The following RAPGEF3 variants were observed in gnomAD, a reference collection of about 807,000 sequenced individuals.
The protein encoded by RAPGEF3 is 9330170P05Rik.
A neutral mutation model predicts 129.8 loss-of-function variants in RAPGEF3; 103 were observed. The observed-to-expected ratio is 0.79, with a 90% CI of 0.68 to 0.93. The LOEUF (loss-of-function observed/expected upper bound fraction) is 0.93, where lower values mean the gene tolerates loss of function less well. RAPGEF3 is among the 40% of genes least tolerant of loss of function. The pLI, the probability that RAPGEF3 is intolerant of heterozygous loss-of-function variation, is 0.00. For missense variants in RAPGEF3, 1,117 were observed against 1,207.4 expected, an observed-to-expected ratio of 0.93 and a Z score of 1.11; for synonymous variants, 436 against 482.6, an observed-to-expected ratio of 0.90 and a Z score of 1.26.
rs538130703 is a variant in RAPGEF3, at chr12:47,747,443, C to A, written c.1556+101G>T. The A allele has an allele frequency of 3.2e-5, 39 of 1,212,810 alleles. No homozygotes were observed. In the African/African-American group the frequency reaches 5.5e-4, roughly 17 times the overall value. The allele number at this position is 1,212,810 out of a possible 1,614,324, so 75.1% of individuals were successfully genotyped here. ...CAAGGAATTGAAGTAAGTGGTGCAG[C>A]CTGGATCTGAAGCCAAGTGCTTGAC... On this transcript the variant is annotated intron_variant, in intron 15 of 27. Transcript: ENST00000449771.
Position 47,757,919 on chromosome 12 carries a change from A to C in RAPGEF3, c.166T>G (p.Tyr56Asp). The change falls in exon 2 of 28, where the codon TAC (tyrosine) becomes GAC (aspartate). Residue 56 changes from tyrosine (Y) to aspartate (D), a missense_variant. Tyr to Asp is a radical substitution (Grantham distance 160). Around this residue, in one of 3 missense-constraint regions of RAPGEF3, gnomAD observed 367 missense variants for 373.4 expected, o/e 0.98. Coordinates refer to ENST00000449771, the MANE Select transcript of RAPGEF3 (RefSeq NM_001098531.4). ...RRMHRPRSCS[Y>D]QLLLEHQRPS... ...CGCTGGTGCTCCAGCAGCAGCTGGT[A>C]GGAGCAGCTTCGGGGCCGGTGCATC... 6.4e-7 allele frequency: 1 copy of C among 1,557,246 alleles called. No homozygotes were observed. Among genetic ancestry groups the C allele is most frequent in the Non-Finnish European group, 8.7e-7 (1 of 1,150,306 alleles).
intron 23 of RAPGEF3, chr12:47,739,506 T>G: frequency 1.6e-6 from 1 of 640,938 alleles, no homozygotes; most frequent in Non-Finnish European, 2.9e-6. Flanking sequence ...TTTCTATCCC[T>G]GTCTCTTTCT....
In RAPGEF3 at chr12:47,737,701, A is replaced by G; in HGVS notation, c.2654-16T>C. On this transcript the variant is annotated splice_polypyrimidine_tract_variant and intron_variant, in intron 27 of 27. Transcript: ENST00000449771. ...TGCTCCGAGCCTGGTGGAGGAGAGT[A>G]GTCAGGGAGGCACTGATGCCCCTTT... 1 of 1,608,952 alleles carries G rather than the reference A, an allele frequency of 6.2e-7. No individual in the cohort carries two copies.
chr12:47,751,434 C>G lies in RAPGEF3; in HGVS notation c.467G>C (p.Cys156Ser). ...VHSRSQVVGI[C>S]QVLLDEGALC... ...GGCACCTTCATCCAGCAGCACCTGG[C>G]AGATTCCCACAACTTGGCTCCGGGA... Residue 156 changes from cysteine (C) to serine (S), a missense_variant, in exon 5 of 28, where the codon TGC becomes TCC. Cys to Ser is a moderately radical substitution (Grantham distance 112). Around this residue, in one of 3 missense-constraint regions of RAPGEF3, gnomAD observed 367 missense variants for 373.4 expected, o/e 0.98. Transcript: ENST00000449771. 6.2e-7 allele frequency: 1 copy of G among 1,614,184 alleles called. No individual in the cohort carries two copies. Among genetic ancestry groups the G allele is most frequent in the Non-Finnish European group, 8.5e-7 (1 of 1,180,028 alleles).
chr12:47,749,266 T>A lies in RAPGEF3; in HGVS notation c.1041+124A>T. 1 of 1,235,304 alleles carries A rather than the reference T, an allele frequency of 8.1e-7. No homozygotes were observed. The highest frequency in any genetic ancestry group is 1.2e-6 in the Non-Finnish European group (1 of 860,410). The allele number at this position is 1,235,304 out of a possible 1,614,324, so 76.5% of individuals were successfully genotyped here. On this transcript the variant is annotated intron_variant, in intron 10 of 27. Coordinates refer to ENST00000449771, the MANE Select transcript of RAPGEF3 (RefSeq NM_001098531.4). This position sits in a 1 kb window ranked among gnomAD's most constrained non-coding sequence, Gnocchi z 4.5. ...AGGGCTATGGTCCCACTGCCAGCTG[T>A]CATAGCCCAGCATCTCTTACCTGCC... is the stretch of plus-strand genomic sequence containing the variant.
chr12:47,750,189 G>T, intron 7 of RAPGEF3, 152 bp downstream of exon 7: 1 of 1,049,524 alleles, frequency 9.5e-7, no homozygotes, highest in Non-Finnish European at 1.5e-6. Flanking sequence ...TTTTCAGACA[G>T]GGCAGCGCCG....
intron 17 of RAPGEF3, 107 bp downstream of exon 17, chr12:47,743,880 C>A: frequency 1.4e-6 from 2 of 1,392,820 alleles, no homozygotes; most frequent in Non-Finnish European, 2.0e-6. Flanking sequence ...CAGCGTGCCA[C>A]CTTGGCCCAG....
intron 2 of RAPGEF3, 104 bp downstream of exon 2, chr12:47,757,762 C>T (rs1257513636): frequency 1.8e-6 from 2 of 1,139,770 alleles, no homozygotes; most frequent in Non-Finnish European, 2.5e-6. Context: ...CCACTGTACA[C>T]CCCCAGAGCA....
intron 18 of RAPGEF3, chr12:47,741,954 A>G (rs546651013): frequency 1.2e-3 from 317 of 270,544 alleles, no homozygotes; most frequent in Non-Finnish European, 1.4e-3. Context: ...AGTAGCTATA[A>G]GTACATGCTA....
In RAPGEF3 at chr12:47,749,955, T is replaced by C. The variant is rs1448381024; in HGVS notation, c.792A>G (p.Glu264=). The C allele has an allele frequency of 6.2e-7, 1 of 1,614,110 alleles. No individual in the cohort carries two copies. The highest frequency in any genetic ancestry group is 8.5e-7 in the Non-Finnish European group (1 of 1,180,046). ...KRELAAVLLF[E]PHSKAGTVLF... is the part of the protein sequence containing the mutation. ...ACACGGTCCCTGCCTTGCTGTGTGG[T>C]TCAAAGAGCAGAACAGCCGCTAATT... The change falls in exon 8 of 28, where the codon GAA becomes GAG. Residue 264 remains glutamate (E), a synonymous_variant. Transcript: ENST00000449771. The surrounding 1 kb of genome is among the most constrained non-coding windows in gnomAD (Gnocchi z 4.5).
chr12:47,738,415 G>A (rs923623546), intron 25 of RAPGEF3, among the ~76,000 whole-genome samples, 168 bp from the exon 26 acceptor site: 20 of 152,134 alleles, frequency 1.3e-4, no homozygotes, highest in Admixed American at 6.5e-4. Context: ...GAGGCCCAGC[G>A]GGGACCAGGC....
At position 47,747,880 on chromosome 12, in the gene RAPGEF3, G is replaced by C; in HGVS notation, c.1323-18C>G. 3.7e-6 allele frequency: 6 copies of C among 1,600,726 alleles called. No individual in the cohort carries two copies. The highest frequency in any genetic ancestry group is 5.1e-6 in the Non-Finnish European group (6 of 1,178,728). On this transcript the variant is annotated intron_variant, in intron 13 of 27. Coordinates refer to ENST00000449771, the MANE Select transcript of RAPGEF3 (RefSeq NM_001098531.4). ...CATGGAAGGTGGGCACCAGTCAAGG[G>C]AACCACAACATCCAAGCAGGGCCAC...
rs769580712 is a variant in RAPGEF3 at position 47,738,218 on chromosome 12, C to G, written c.2556G>C (p.Leu852=). The change falls in exon 26 of 28, where the codon CTG becomes CTC. Residue 852 remains leucine, a synonymous_variant. Coordinates refer to ENST00000449771, the MANE Select transcript of RAPGEF3 (RefSeq NM_001098531.4). The part of the protein sequence containing the change: ...MRMMARAARM[L]HHCRSHNPVP... ...CAGGGTTGTGGCTTCGGCAGTGGTG[C>G]AGCATCCGCGCGGCTCTGGCCATCA... The G allele has an allele frequency of 8.2e-5, 133 of 1,613,534 alleles. No individual in the cohort carries two copies. The highest frequency in any genetic ancestry group is 1.1e-4 in the Non-Finnish European group (124 of 1,180,012).
intron 19 of RAPGEF3, chr12:47,741,298 C>G (rs1409304002): frequency 1.5e-6 from 1 of 670,514 alleles, no homozygotes; most frequent in African/African-American, 1.8e-5. Context: ...CTTGGGAGCT[C>G]CCAACCAGTG....
intron 16 of RAPGEF3, chr12:47,744,632 G>A (rs1209942475): frequency 6.4e-6 from 1 of 155,446 alleles, no homozygotes; most frequent in East Asian, 1.9e-4. Flanking sequence ...CCACAGCAGG[G>A]ATGCAGTTCA....
chr12:47,737,965 A>G, intron 27 of RAPGEF3, 57 bp downstream of exon 27: 1 of 1,547,996 alleles, frequency 6.5e-7, no homozygotes, highest in Non-Finnish European at 8.9e-7. Context: ...TGTGCCAGCC[A>G]TGGGTAACTA....
chr12:47,738,571 A>G, intron 25 of RAPGEF3, 119 bp downstream of exon 25: 27 of 807,586 alleles, frequency 3.3e-5, no homozygotes, highest in Non-Finnish European at 5.6e-5. Flanking sequence ...CACAGTAAGT[A>G]TTCATCCTCA....
Position 47,758,706 on chromosome 12 carries a change from C to T in RAPGEF3, c.-150G>A. On this transcript the variant is annotated 5_prime_UTR_variant, in exon 1 of 28. Transcript: ENST00000449771. ...CTGGGCCAGTGCCTAGCTGGACTGG[C>T]TGCCAGGGCAGCAGGATGCAGGGCT... 2 of 1,412,276 alleles carry T rather than the reference C, an allele frequency of 1.4e-6. No individual in the cohort carries two copies. Among genetic ancestry groups the T allele is most frequent in the Non-Finnish European group, 1.9e-6 (2 of 1,076,936 alleles). 87.5% of individuals were successfully genotyped at this position (1,412,276 alleles called of 1,614,324 possible).
Position 47,740,795 on chromosome 12 carries a change from G to A in RAPGEF3, c.2078C>T (p.Pro693Leu). The A allele has an allele frequency of 6.2e-7, 1 of 1,614,038 alleles. No individual in the cohort carries two copies. ...GGTGGTGACATCCCGCAGATGCTGGGGGCCCAGCACATAGTGGATCAGCTC... is the reference window on the plus strand; with the variant it reads ...GGTGGTGACATCCCGCAGATGCTGGAGGCCCAGCACATAGTGGATCAGCTC... ...QVELIHYVLG[P>L]QHLRDVTTAN... The change falls in exon 21 of 28, where the codon CCC (proline) becomes CTC (leucine). Residue 693 changes from proline to leucine, a missense_variant. Transcript: ENST00000449771.
Sources: gnomAD v4.1 joint callset for allele counts (sites outside exome capture counted in the v4.1 genomes callset) on GRCh38, gnomAD v4.1.1 for gene constraint, gnomAD v4.1.1 regional missense constraint, Gnocchi (gnomAD v3.1) non-coding constraint, MANE v1.5 for transcripts, NCBI Gene and HGNC (gene_info 2026-07-23, HGNC 2026-07-21) for gene names.